Variants in AJAP1 observed in about 807,000 individuals in gnomAD.
AJAP1 encodes adherens junction-associated protein 1.
A neutral mutation model predicts 35.0 loss-of-function variants in AJAP1; 5 were observed. That is an observed-to-expected ratio of 0.14 (90% CI 0.07 to 0.30). The LOEUF (loss-of-function observed/expected upper bound fraction) is 0.30, where lower values mean the gene tolerates loss of function less well. Ranked by LOEUF, AJAP1 falls within the 10% of genes least tolerant of loss-of-function variation. The pLI is 1.00. For synonymous variants in AJAP1, 284 were observed against 249.3 expected (o/e 1.14, Z -1.31); for missense variants, 586 against 571.0 (o/e 1.03, Z -0.27).
intron 2 of AJAP1, among the ~76,000 whole-genome samples, chr1:4,719,487 G>A (rs1036115945): frequency 2.6e-5 from 4 of 152,146 alleles, no homozygotes; most frequent in African/African-American, 4.8e-5. Flanking sequence ...AACAGGAGCC[G>A]TTGCAGGTTT....
chr1:4,659,829 T>A (rs192786420), intron 1 of AJAP1, among the ~76,000 whole-genome samples: 3 of 152,316 alleles, frequency 2.0e-5, no homozygotes, highest in Admixed American at 2.0e-4. Flanking sequence ...CCATAAGACA[T>A]GCCCGTCAAT....
At chr1:4,710,959 G>T (rs72638835) in intron 1 of AJAP1, among the ~76,000 whole-genome samples, 1,781 of 152,284 alleles carry the variant, frequency 0.012, 11 homozygotes, top group Middle Eastern at 0.037. Flanking sequence ...CTGCAGCCCC[G>T]CTGCGTGGAG....
chr1:4,685,720 C>T (rs146869114), intron 1 of AJAP1, among the ~76,000 whole-genome samples: 667 of 152,310 alleles, frequency 4.4e-3, no homozygotes, highest in African/African-American at 0.015. Context: ...TAGGGTGCAC[C>T]GTTGGGGGGT....
chr1:4,707,851 C>T (rs1316636052), intron 1 of AJAP1, among the ~76,000 whole-genome samples: 1 of 151,912 alleles, frequency 6.6e-6, no homozygotes, highest in Non-Finnish European at 1.5e-5. Context: ...TTCTGGTTTT[C>T]ATTCCCACCA....
intron 5 of AJAP1, among the ~76,000 whole-genome samples, chr1:4,779,324 T>TTTTCTA (rs1285781796): frequency 4.6e-5 from 7 of 151,390 alleles, no homozygotes; most frequent in African/African-American, 1.5e-4. Flanking sequence ...AGGAGGCTTT[T>TTTTCTA]TTTCTTTTTC....
At chr1:4,758,413 G>T (rs1641487068) in intron 2 of AJAP1, among the ~76,000 whole-genome samples, 1 of 152,162 alleles carries the variant, frequency 6.6e-6, no homozygotes, top group African/African-American at 2.4e-5. Context: ...GTTCTGCATG[G>T]CTGGGGTGGC....
At chr1:4,778,765 G>A (rs1047732600) in intron 5 of AJAP1, among the ~76,000 whole-genome samples, 6 of 152,164 alleles carry the variant, frequency 3.9e-5, no homozygotes, top group Middle Eastern at 3.2e-3. Context: ...GATCCTCCAC[G>A]TCGTGTCTGT....
chr1:4,786,576 A>G lies in AJAP1; in HGVS notation c.*4091A>G, dbSNP rs1321059115. 8 of 152,212 alleles carry G rather than the reference A, an allele frequency of 5.3e-5. No homozygotes were observed. Among genetic ancestry groups the G allele is most frequent in the Non-Finnish European group, 1.0e-4 (7 of 68,040 alleles). 9.4% of individuals were successfully genotyped at this position (152,212 alleles called of 1,614,324 possible). On this transcript the variant is annotated 3_prime_UTR_variant, in exon 6 of 6. Coordinates refer to ENST00000378191, the MANE Select transcript of AJAP1 (RefSeq NM_018836.4). ...GTGTGTGATGCCCAATGTGTAGGCC[A>G]TATTGAAAGGTGAACGCACCAAAGG...
intron 5 of AJAP1, among the ~76,000 whole-genome samples, chr1:4,780,459 G>C (rs1178285039): frequency 6.6e-6 from 1 of 152,116 alleles, no homozygotes; most frequent in Non-Finnish European, 1.5e-5. Context: ...ATTTCTCTCT[G>C]TGTTGTAATA....
intron 1 of AJAP1, among the ~76,000 whole-genome samples, chr1:4,674,171 G>A (rs1423510544): frequency 6.6e-6 from 1 of 151,984 alleles, no homozygotes; most frequent in South Asian, 2.1e-4. Flanking sequence ...CGGCCAAGAA[G>A]GCAGGGCAGT....
intron 1 of AJAP1, among the ~76,000 whole-genome samples, chr1:4,698,167 A>G (rs185189165): frequency 3.9e-5 from 6 of 152,222 alleles, no homozygotes; most frequent in Admixed American, 3.9e-4. Context: ...TGGCCGTGCC[A>G]GCGTGTTTCC....
At chr1:4,760,524 C>A (rs149737110) in intron 2 of AJAP1, among the ~76,000 whole-genome samples, 2 of 152,140 alleles carry the variant, frequency 1.3e-5, no homozygotes, top group Admixed American at 6.5e-5. Context: ...CTGCCTGTCA[C>A]GGAGCAGATC....
intron 2 of AJAP1, among the ~76,000 whole-genome samples, chr1:4,743,753 T>C (rs1259773197): frequency 6.6e-6 from 1 of 152,244 alleles, no homozygotes; most frequent in Non-Finnish European, 1.5e-5. Context: ...AAGGTCAAAC[T>C]GGATGAACTT....
At chr1:4,744,782 GGCACACATACCAT>G (rs1641151798) in intron 2 of AJAP1, among the ~76,000 whole-genome samples, 1 of 152,114 alleles carries the variant, frequency 6.6e-6, no homozygotes, top group Admixed American at 6.5e-5. Flanking sequence ...CACAGGTATG[GGCACACATACCAT>G]GCACACATAA....
In AJAP1 at chr1:4,711,973, G is replaced by A. The variant is rs1302267478; in HGVS notation, c.103G>A (p.Ala35Thr). The A allele has an allele frequency of 5.7e-6, 9 of 1,583,534 alleles. No homozygotes were observed. Among genetic ancestry groups the A allele is most frequent in the Middle Eastern group, 1.7e-4 (1 of 5,988 alleles). The change falls in exon 2 of 6, where the codon GCC (alanine) becomes ACC (threonine). Residue 35 changes from alanine (A) to threonine (T), a missense_variant. By Grantham distance (58) the Ala-to-Thr change is moderately conservative. Coordinates refer to ENST00000378191, the MANE Select transcript of AJAP1 (RefSeq NM_018836.4). ...AWILIAMFQL[A>T]VDLPACEALG... ...GATACTGATAGCCATGTTTCAGCTC[G>A]CCGTGGACCTGCCCGCCTGTGAGGC... is the stretch of plus-strand genomic sequence containing the variant.
intron 2 of AJAP1, among the ~76,000 whole-genome samples, chr1:4,756,739 G>T (rs1557641803): frequency 6.6e-6 from 1 of 152,222 alleles, no homozygotes; most frequent in Non-Finnish European, 1.5e-5. Context: ...AAACAAGTTT[G>T]CTTTCTGGAG....
At chr1:4,743,199 C>T (rs1286899137) in intron 2 of AJAP1, among the ~76,000 whole-genome samples, 1 of 152,172 alleles carries the variant, frequency 6.6e-6, no homozygotes, top group African/African-American at 2.4e-5. Context: ...TGGGGCCCCA[C>T]AGAGTGATTT....
chr1:4,684,036 C>G (rs912149261), intron 1 of AJAP1, among the ~76,000 whole-genome samples: 1 of 152,086 alleles, frequency 6.6e-6, no homozygotes, highest in African/African-American at 2.4e-5. Flanking sequence ...GGGGAGTGAG[C>G]AGAGGGCCCC....
Position 4,790,894 on chromosome 1 carries a change from G to A in AJAP1, c.*8409G>A, listed in dbSNP as rs1642237170. 2 of 152,066 alleles carry A rather than the reference G, an allele frequency of 1.3e-5. No individual in the cohort carries two copies. The highest frequency in any genetic ancestry group is 2.9e-5 in the Non-Finnish European group (2 of 68,034). 9.4% of individuals were successfully genotyped at this position (152,066 alleles called of 1,614,324 possible). On this transcript the variant is annotated 3_prime_UTR_variant, in exon 6 of 6. Coordinates refer to ENST00000378191, the MANE Select transcript of AJAP1 (RefSeq NM_018836.4). ...GCCTAGTTTGCAGCACCAAATACTG[G>A]TCTTCTCAGAAGTGTTTCTGTTTTT...
Sources: allele counts gnomAD v4.1 joint callset (sites outside exome capture counted in the v4.1 genomes callset), GRCh38; gene constraint gnomAD v4.1.1; transcripts MANE v1.5; gene names NCBI Gene and HGNC (gene_info 2026-07-23, HGNC 2026-07-21).